PLK4: variants seen among roughly 807,000 people sequenced by gnomAD.
PLK4 encodes polo like kinase 4, also known as serine/threonine-protein kinase PLK4.
Under a neutral mutation model 103.0 loss-of-function variants are expected in PLK4, and 51 were observed. The observed-to-expected ratio is 0.50, with a 90% CI of 0.40 to 0.63. PLK4 has a LOEUF of 0.63. Ranked by LOEUF, PLK4 falls within the 20% of genes least tolerant of loss-of-function variation. PLK4 has a pLI of 0.00. For synonymous variants in PLK4, 389 were observed against 376.8 expected (o/e 1.03, Z -0.38); for missense variants, 1,054 against 1,151.0 (o/e 0.92, Z 1.22).
chr4:127,884,640 C>T (rs1206848925), intron 4 of PLK4, among the ~76,000 whole-genome samples: 2 of 152,124 alleles, frequency 1.3e-5, no homozygotes, highest in African/African-American at 4.8e-5. Context: ...CCCATCTCTA[C>T]TAAAAATGCA....
At chr4:127,897,059 G>A (rs1044977168) in intron 15 of PLK4, 152 bp downstream of exon 15, 5 of 551,922 alleles carry the variant, frequency 9.1e-6, no homozygotes, top group African/African-American at 3.8e-5. Flanking sequence ...AGCAATTCAT[G>A]TAGTCATTAA....
Position 127,881,821 on chromosome 4 carries a change from A to T in PLK4, c.31-10A>T. 6.6e-7 allele frequency: 1 copy of T among 1,506,038 alleles called. No homozygotes were observed. Among genetic ancestry groups the T allele is most frequent in the East Asian group, 2.3e-5 (1 of 44,402 alleles). 93.3% of individuals were successfully genotyped at this position (1,506,038 alleles called of 1,614,324 possible). On this transcript the variant is annotated splice_polypyrimidine_tract_variant and intron_variant, in intron 1 of 15. Transcript: ENST00000270861. ...GTCATCACACATAATCTTTAATTTTAACTTTTAAGGATTTTAAAGTTGGAA... is the reference window on the plus strand; with the variant it reads ...GTCATCACACATAATCTTTAATTTTTACTTTTAAGGATTTTAAAGTTGGAA...
rs114570611 is a variant in PLK4 at position 127,898,774 on chromosome 4, C to A, written c.*233C>A. ...CCTGACTTTGCTCTTAGACCATAAC[C>A]CCCGAACTTACTATGTTCATATATT... On this transcript the variant is annotated 3_prime_UTR_variant, in exon 16 of 16. Coordinates refer to ENST00000270861, the MANE Select transcript of PLK4 (RefSeq NM_014264.5). 202 of 359,862 alleles carry A rather than the reference C, an allele frequency of 5.6e-4. 1 individual carries two copies. The highest frequency in any genetic ancestry group is 4.1e-3 in the African/African-American group (196 of 47,596). The allele number at this position is 359,862 out of a possible 1,614,324, so 22.3% of individuals were successfully genotyped here.
intron 7 of PLK4, 100 bp downstream of exon 7, chr4:127,890,336 G>A: frequency 2.2e-6 from 2 of 913,872 alleles, no homozygotes; most frequent in African/African-American, 1.7e-5. Flanking sequence ...CTTTTACTTT[G>A]GGGTGTATAC....
At chr4:127,882,343 G>A (rs1013575220) in intron 2 of PLK4, among the ~76,000 whole-genome samples, 1 of 152,310 alleles carries the variant, frequency 6.6e-6, no homozygotes, top group African/African-American at 2.4e-5. Flanking sequence ...TTTGTCAGCC[G>A]GGTGGGTGGC....
At chr4:127,888,790 A>G (rs935442421) in intron 6 of PLK4, among the ~76,000 whole-genome samples, 1 of 152,170 alleles carries the variant, frequency 6.6e-6, no homozygotes, top group African/African-American at 2.4e-5. Context: ...TTTACTAAGT[A>G]TCGTATTACC....
In PLK4 at chr4:127,889,854, T is replaced by C. The variant is rs1197922643; in HGVS notation, c.1460-12T>C. Reference sequence around the variant, plus strand: ...TTATTTACTAAATTGCTTCATTCTATGTATATTGTAGCTCATTTAAGAAAA... The same window carrying C: ...TTATTTACTAAATTGCTTCATTCTACGTATATTGTAGCTCATTTAAGAAAA... On this transcript the variant is annotated splice_polypyrimidine_tract_variant and intron_variant, in intron 6 of 15. Coordinates refer to ENST00000270861, the MANE Select transcript of PLK4 (RefSeq NM_014264.5). 1 of 1,548,892 alleles carries C rather than the reference T, an allele frequency of 6.5e-7. No homozygotes were observed. Among genetic ancestry groups the C allele is most frequent in the African/African-American group, 1.4e-5 (1 of 72,342 alleles).
In PLK4 at chr4:127,891,618, C is replaced by G. The variant is rs1371595006; in HGVS notation, c.1975C>G (p.Leu659Val). The G allele has an allele frequency of 8.3e-6, 13 of 1,559,374 alleles. No homozygotes were observed. The African/African-American group carries it at 1.1e-4, about 13-fold the overall frequency. The change falls in exon 9 of 16, where the codon CTT (leucine) becomes GTT (valine). Residue 659 changes from leucine (L) to valine (V), a missense_variant. Coordinates refer to ENST00000270861, the MANE Select transcript of PLK4 (RefSeq NM_014264.5). ...TCCAAATGGTGGTAGAGGTTTTCCT[C>G]TTGCTGATAGACCACCCTCACCTAC... The part of the protein sequence containing the change: ...YYPNGGRGFP[L>V]ADRPPSPTDN...
rs1734896575 is a variant in PLK4, at chr4:127,881,070, G to A, written c.-65G>A. The A allele has an allele frequency of 3.8e-6, 6 of 1,586,186 alleles. No individual in the cohort carries two copies. Among genetic ancestry groups the A allele is most frequent in the Non-Finnish European group, 5.2e-6 (6 of 1,155,822 alleles). The stretch of plus-strand genomic sequence containing the variant: ...CGCCAAGGCCGGCTGGCTGCTTGGA[G>A]CGCTGCCTCGAAGGGACTGCGTGAA... On this transcript the variant is annotated 5_prime_UTR_variant, in exon 1 of 16. Coordinates refer to ENST00000270861, the MANE Select transcript of PLK4 (RefSeq NM_014264.5).
chr4:127,888,941 TG>T (rs1371971749), intron 6 of PLK4, among the ~76,000 whole-genome samples: 2 of 152,148 alleles, frequency 1.3e-5, no homozygotes. Flanking sequence ...TAATTAGAGA[TG>T]ATAATTCAGG....
At chr4:127,897,903 G>A (rs1005630771) in intron 15 of PLK4, among the ~76,000 whole-genome samples, 2 of 126,972 alleles carry the variant, frequency 1.6e-5, no homozygotes, top group Non-Finnish European at 3.1e-5. Context: ...TTAGTGGTGC[G>A]ACTTGGCTCA....
chr4:127,896,838 G>C lies in PLK4; in HGVS notation c.2741G>C (p.Gly914Ala), dbSNP rs776016742. ...SGAVWVQFND[G>A]SQLVVQAGVS... ...GCTGTGTGGGTTCAGTTTAATGATG[G>C]GTCCCAGTTGGTTGTGCAGGCAGGA... Residue 914 changes from glycine (G) to alanine (A), a missense_variant, in exon 15 of 16, where the codon GGG becomes GCG. Coordinates refer to ENST00000270861, the MANE Select transcript of PLK4 (RefSeq NM_014264.5). 1.1e-5 allele frequency: 17 copies of C among 1,612,222 alleles called. No homozygotes were observed. Among genetic ancestry groups the C allele is most frequent in the Admixed American group, 6.7e-5 (4 of 59,964 alleles).
chr4:127,881,181 G>A lies in PLK4; in HGVS notation c.30+17G>A, dbSNP rs765517789. The stretch of plus-strand genomic sequence containing the variant: ...AAGATCGAGGTGAAAAGACTCGGCA[G>A]TCTGCAGCGGGGCGGGTGGGAGTAA... On this transcript the variant is annotated intron_variant, in intron 1 of 15. Transcript: ENST00000270861. 3 of 1,613,972 alleles carry A rather than the reference G, an allele frequency of 1.9e-6. No homozygotes were observed. Among genetic ancestry groups the A allele is most frequent in the South Asian group, 1.1e-5 (1 of 91,080 alleles).
rs747726625 is a variant in PLK4, at chr4:127,890,084, T to A, written c.1678T>A (p.Cys560Ser). 6.2e-7 allele frequency: 1 copy of A among 1,613,918 alleles called. No individual in the cohort carries two copies. Among genetic ancestry groups the A allele is most frequent in the Non-Finnish European group, 8.5e-7 (1 of 1,179,952 alleles). The change falls in exon 7 of 16, where the codon TGT (cysteine) becomes AGT (serine). Residue 560 changes from cysteine to serine, a missense_variant. By Grantham distance (112) the Cys-to-Ser change is moderately radical (BLOSUM62 -1). Around this residue, in one of 4 missense-constraint regions of PLK4, gnomAD observed 680 missense variants for 660.3 expected, o/e 1.03. Transcript: ENST00000270861. The part of the protein sequence containing the change: ...HSKPEIIQQE[C>S]VFGSDPLSEQ... The stretch of plus-strand genomic sequence containing the variant: ...TAAACCTGAGATAATCCAACAAGAA[T>A]GTGTTTTTGGCTCAGATCCTCTTTC...
intron 4 of PLK4, among the ~76,000 whole-genome samples, chr4:127,884,542 G>A (rs77248006): frequency 0.12 from 17,776 of 152,174 alleles, 1,349 homozygotes; most frequent in South Asian, 0.22. Context: ...AGTGGCTCAC[G>A]CCTGTAATCC....
At position 127,886,475 on chromosome 4, in the gene PLK4, C is replaced by T. The variant is rs371440974; in HGVS notation, c.1105C>T (p.His369Tyr). ...RVIQDAEERP[H>Y]SRYLRRAYSS... The stretch of plus-strand genomic sequence containing the variant: ...AATTCAAGATGCAGAAGAAAGGCCA[C>T]ATTCTCGATACCTTCGTAGAGCTTA... The change falls in exon 5 of 16, where the codon CAT becomes TAT. Residue 369 changes from histidine to tyrosine, a missense_variant. This residue lies in a region of PLK4 where 680 missense variants were observed against 660.3 expected (regional missense o/e 1.03). Transcript: ENST00000270861. 3.1e-6 allele frequency: 5 copies of T among 1,613,912 alleles called. No homozygotes were observed. Among genetic ancestry groups the T allele is most frequent in the South Asian group, 1.1e-5 (1 of 91,086 alleles).
At chr4:127,896,083 G>A (rs1226630891) in intron 14 of PLK4, among the ~76,000 whole-genome samples, 1 of 152,150 alleles carries the variant, frequency 6.6e-6, no homozygotes, top group African/African-American at 2.4e-5. Flanking sequence ...CATTTGTTGA[G>A]CACCTGCTTT....
At chr4:127,882,035 AG>A (rs1441849815) in intron 2 of PLK4, 109 bp downstream of exon 2, 2 of 660,678 alleles carry the variant, frequency 3.0e-6, no homozygotes, top group Non-Finnish European at 5.4e-6. Flanking sequence ...TTATAGTGTA[AG>A]GAACACTTTA....
rs567482993 is a variant in PLK4 at position 127,889,425 on chromosome 4, G to A, written c.1460-441G>A. The stretch of plus-strand genomic sequence containing the variant: ...TAGTTGCATATTTTCATTAATTGCA[G>A]GTATTTCTAAGTAAAGATGGGCTAG... On this transcript the variant is annotated intron_variant, in intron 6 of 15. Transcript: ENST00000270861. 1.8e-3 allele frequency among the ~76,000 whole-genome samples: 278 copies of A among 152,132 alleles called. 2 individuals are homozygous for A. Among genetic ancestry groups the A allele is most frequent in the African/African-American group, 6.3e-3 (261 of 41,522 alleles).
Sources: gnomAD v4.1 joint callset for allele counts (sites outside exome capture counted in the v4.1 genomes callset) on GRCh38, gnomAD v4.1.1 for gene constraint, gnomAD v4.1.1 regional missense constraint, MANE v1.5 for transcripts, NCBI Gene and HGNC (gene_info 2026-07-23, HGNC 2026-07-21) for gene names.